Variants in DNAH14 observed in about 807,000 individuals in gnomAD.
DNAH14 encodes the protein dynein axonemal heavy chain 14.
A neutral mutation model predicts 520.9 loss-of-function variants in DNAH14; 478 were observed. The ratio of observed to expected loss-of-function variants is 0.92; its 90% CI spans 0.85 to 0.99. The LOEUF is 0.99. Ranked by LOEUF, DNAH14 falls within the 50% of genes least tolerant of loss-of-function variation. DNAH14 has a pLI of 0.00. For synonymous variants in DNAH14, 1,581 were observed against 1,757.2 expected (o/e 0.90, Z 2.51); for missense variants, 4,831 against 5,234.5 (o/e 0.92, Z 2.38).
chr1:224,938,102 AGAAAATGTTGG>A (rs1453923426), intron 1 of DNAH14, among the ~76,000 whole-genome samples: 1 of 152,176 alleles, frequency 6.6e-6, no homozygotes, highest in African/African-American at 2.4e-5. Context: ...AACTACTAAA[AGAAAATGTTGG>A]GAAAATGATC....
chr1:225,259,325 G>C, intron 46 of DNAH14, 72 bp downstream of exon 46: 2 of 1,114,224 alleles, frequency 1.8e-6, no homozygotes, highest in Non-Finnish European at 2.3e-6. Context: ...AAATATGCCT[G>C]TTTTTAAAAA....
intron 38 of DNAH14, among the ~76,000 whole-genome samples, chr1:225,200,643 G>A (rs185001648): frequency 6.6e-6 from 1 of 152,034 alleles, no homozygotes; most frequent in Admixed American, 6.5e-5. Context: ...CAAAATTCTT[G>A]GCTGATAATT....
At chr1:224,961,449 T>C (rs1309531390) in intron 4 of DNAH14, 1 of 152,168 alleles carries the variant, frequency 6.6e-6, no homozygotes, top group African/African-American at 2.4e-5. Context: ...GGGGTTTAAT[T>C]CACTCACAGT....
In DNAH14 at chr1:225,272,033, CA is replaced by C. The variant is rs776884723; in HGVS notation, c.7803del (p.Lys2601AsnfsTer16). The C allele has an allele frequency of 5.2e-6, 8 of 1,550,548 alleles. No individual in the cohort carries two copies. Among genetic ancestry groups the C allele is most frequent in the Non-Finnish European group, 7.0e-6 (8 of 1,146,524 alleles). On this transcript the variant is annotated frameshift_variant, in exon 51 of 86. Coordinates refer to ENST00000682510, the MANE Select transcript of DNAH14 (RefSeq NM_001367479.1). LOFTEE classifies it high-confidence loss of function. ...QVRQNMLPTP[T>X]KCHYMFNLRD... is the part of the protein sequence containing the mutation. ...CGTCAGAATATGTTACCAACTCCAA[CA>C]AAATGTCACTACATGTTTAATCTTC...
chr1:225,380,588 A>T (rs933996199), intron 80 of DNAH14, among the ~76,000 whole-genome samples: 1 of 152,102 alleles, frequency 6.6e-6, no homozygotes, highest in South Asian at 2.1e-4. Context: ...GAAAGCAGCA[A>T]CTCTGCTTTG....
intron 17 of DNAH14, among the ~76,000 whole-genome samples, chr1:225,058,568 G>T (rs998491697): frequency 1.3e-5 from 2 of 152,128 alleles, no homozygotes; most frequent in African/African-American, 4.8e-5. Flanking sequence ...CTTGCCTTCT[G>T]AAAGCTTTTG....
intron 9 of DNAH14, among the ~76,000 whole-genome samples, chr1:225,006,072 T>G (rs1325342341): frequency 6.6e-6 from 1 of 152,216 alleles, no homozygotes; most frequent in Non-Finnish European, 1.5e-5. Flanking sequence ...TAAATACTTT[T>G]ATAATTTCTT....
At chr1:224,940,787 C>T (rs1038346214) in intron 1 of DNAH14, among the ~76,000 whole-genome samples, 15 of 150,918 alleles carry the variant, frequency 9.9e-5, no homozygotes, top group Admixed American at 5.3e-4. Context: ...TTTGTCCTTG[C>T]GATAGTTTGC....
Position 225,358,883 on chromosome 1 carries a change from C to G in DNAH14, c.11776+231C>G, listed in dbSNP as rs559733618. Among the ~76,000 whole-genome samples, 4 of 152,336 alleles carry G rather than the reference C, an allele frequency of 2.6e-5. No homozygotes were observed. The East Asian group carries it at 7.7e-4, about 29-fold the overall frequency. On this transcript the variant is annotated intron_variant, in intron 74 of 85. Transcript: ENST00000682510. ...CTGGCATTTCCCCTCCTGGCACTCACTACGTCCTGCCACCCTGCAAAGAAG... is the reference window on the plus strand; with the variant it reads ...CTGGCATTTCCCCTCCTGGCACTCAGTACGTCCTGCCACCCTGCAAAGAAG...
chr1:225,020,353 C>T lies in DNAH14; in HGVS notation c.1108-3262C>T, dbSNP rs375052988. 4.2e-3 allele frequency among the ~76,000 whole-genome samples: 638 copies of T among 151,736 alleles called. 4 individuals are homozygous for T. Among genetic ancestry groups the T allele is most frequent in the African/African-American group, 0.015 (608 of 41,408 alleles). ...CTCTATTAGAAATACAAAAATTAGC[C>T]AGGTGTGGTGGCATGTGTCTGTAGT... On this transcript the variant is annotated intron_variant, in intron 10 of 85. Transcript: ENST00000682510.
At chr1:225,173,962 G>A (rs906589306) in intron 36 of DNAH14, among the ~76,000 whole-genome samples, 1 of 152,182 alleles carries the variant, frequency 6.6e-6, no homozygotes, top group Non-Finnish European at 1.5e-5. Context: ...TCCTTTGTAG[G>A]GACATAGATG....
intron 53 of DNAH14, among the ~76,000 whole-genome samples, chr1:225,276,525 A>T (rs965796180): frequency 6.6e-6 from 1 of 152,194 alleles, no homozygotes; most frequent in African/African-American, 2.4e-5. Flanking sequence ...AGACACCAAC[A>T]AAACCACATA....
intron 73 of DNAH14, among the ~76,000 whole-genome samples, chr1:225,357,531 T>C (rs997125809): frequency 1.5e-4 from 23 of 152,180 alleles, no homozygotes; most frequent in African/African-American, 5.3e-4. Context: ...TCTCACTAAC[T>C]GGGTATTCTA....
chr1:225,364,068 G>A (rs1343850571), intron 75 of DNAH14, among the ~76,000 whole-genome samples: 1 of 152,166 alleles, frequency 6.6e-6, no homozygotes, highest in Non-Finnish European at 1.5e-5. Context: ...GTTAGATTAA[G>A]GCTATGCAGT....
intron 10 of DNAH14, among the ~76,000 whole-genome samples, chr1:225,019,204 CAAAGT>C (rs1196750836): frequency 6.6e-6 from 1 of 150,924 alleles, no homozygotes; most frequent in African/African-American, 2.4e-5. Context: ...CCCATAGACT[CAAAGT>C]AAAGGGTTAG....
In DNAH14 at chr1:225,128,618, A is replaced by C. The variant is rs12564700; in HGVS notation, c.4254+5004A>C. Among the ~76,000 whole-genome samples the C allele has an allele frequency of 5.0e-3, 755 of 149,550 alleles. 7 individuals are homozygous for C. Among genetic ancestry groups the C allele is most frequent in the African/African-American group, 0.018 (712 of 39,694 alleles). Reference sequence around the variant, plus strand: ...AAGGCCTTTGACAAAATTCAACAACACTTCATGCTAAAAACTCTCAATAAA... The same window carrying C: ...AAGGCCTTTGACAAAATTCAACAACCCTTCATGCTAAAAACTCTCAATAAA... On this transcript the variant is annotated intron_variant, in intron 27 of 85. Transcript: ENST00000682510.
At chr1:225,081,848 A>T (rs1431329855) in intron 19 of DNAH14, among the ~76,000 whole-genome samples, 1 of 152,154 alleles carries the variant, frequency 6.6e-6, no homozygotes, top group Non-Finnish European at 1.5e-5. Flanking sequence ...CAGAGGACAG[A>T]CTAGTGCTGG....
At chr1:225,387,385 TAATAAATAAATA>T (rs112419260) in intron 81 of DNAH14, among the ~76,000 whole-genome samples, 3 of 151,698 alleles carry the variant, frequency 2.0e-5, no homozygotes, top group Non-Finnish European at 2.9e-5. Flanking sequence ...TAAAGTATAA[TAATAAATAAATA>T]AATAAATAAA....
At chr1:225,320,708 A>G (rs1327509619) in intron 61 of DNAH14, among the ~76,000 whole-genome samples, 1 of 152,236 alleles carries the variant, frequency 6.6e-6, no homozygotes, top group African/African-American at 2.4e-5. Context: ...ATGAACCACT[A>G]GAAGCAGAAA....
Sources: gnomAD v4.1 joint callset for allele counts (sites outside exome capture counted in the v4.1 genomes callset) on GRCh38, gnomAD v4.1.1 for gene constraint, MANE v1.5 for transcripts, NCBI Gene and HGNC (gene_info 2026-07-23, HGNC 2026-07-21) for gene names.